The following SVIL variants were observed in gnomAD, a reference collection of about 807,000 sequenced individuals.
SVIL encodes archvillin.
In SVIL, 101 loss-of-function variants were observed where a neutral mutation model predicts 240.4. The observed-to-expected ratio is 0.42, with a 90% confidence interval of 0.36 to 0.50. The LOEUF (loss-of-function observed/expected upper bound fraction) is 0.50. SVIL is among the 20% of genes least tolerant of loss of function. The pLI is 0.01. For missense variants in SVIL, 2,512 were observed against 2,818.7 expected (o/e 0.89, Z 2.46); for synonymous variants, 999 against 1,100.0 (o/e 0.91, Z 1.82).
rs868725140 is a variant in SVIL, at chr10:29,523,472, T to C, written c.3142A>G (p.Lys1048Glu). 8 of 1,606,464 alleles carry C rather than the reference T, an allele frequency of 5.0e-6. No individual in the cohort carries two copies. The African/African-American group carries it at 9.4e-5, about 19-fold the overall frequency. The part of the protein sequence containing the change: ...EEKVEVENVM[K>E]RKFSLRAAEF... Reference sequence around the variant, plus strand: ...TTACCTCTTAGTGAAAACTTCCTTTTCATAACATTCTCCACCTCCACCTTC... The same window carrying C: ...TTACCTCTTAGTGAAAACTTCCTTTCCATAACATTCTCCACCTCCACCTTC... Residue 1048 changes from lysine (K) to glutamate (E), a missense_variant, in exon 15 of 38, where the codon AAA becomes GAA. Physicochemically the swap from Lys to Glu is moderately conservative, Grantham distance 56 (BLOSUM62 1). This residue lies in a region of SVIL where 1,443 missense variants were observed against 1,486.6 expected (regional missense o/e 0.97). Coordinates refer to ENST00000355867, the MANE Select transcript of SVIL (RefSeq NM_021738.3).
intron 3 of SVIL, among the ~76,000 whole-genome samples, chr10:29,643,628 A>AC (rs1299302939): frequency 6.6e-6 from 1 of 151,448 alleles, no homozygotes; most frequent in African/African-American, 2.4e-5. Flanking sequence ...TCAACCAACA[A>AC]CCCCCCACCC....
rs752700121 is a variant in SVIL at position 29,513,003 on chromosome 10, CG to C, written c.3390-143del. ...TTTAACATTTTGAATTTCATTTATT[CG>C]GAAGACAGCATGTCTGGAAAAATAA... On this transcript the variant is annotated intron_variant, in intron 16 of 37. Coordinates refer to ENST00000355867, the MANE Select transcript of SVIL (RefSeq NM_021738.3). 1.6e-4 allele frequency: 198 copies of C among 1,252,438 alleles called. 1 individual carries two copies. In the East Asian group the frequency reaches 4.6e-3, roughly 29 times the overall value. 77.6% of individuals were successfully genotyped at this position (1,252,438 alleles called of 1,614,324 possible). A position where few individuals can be genotyped will look rare whatever the true frequency, so the allele number is the denominator to read the frequency against.
rs139994927 is a variant in SVIL at position 29,524,535 on chromosome 10, C to T, written c.2523G>A (p.Thr841=). 373 of 1,614,008 alleles carry T rather than the reference C, an allele frequency of 2.3e-4. 2 individuals are homozygous for T. The highest frequency in any genetic ancestry group is 3.0e-4 in the Non-Finnish European group (359 of 1,180,040). The change falls in exon 14 of 38, where the codon ACG becomes ACA. Residue 841 remains threonine, a synonymous_variant. Transcript: ENST00000355867. ...KAISTRNRID[T]RQRRMNARYQ... The stretch of plus-strand genomic sequence containing the variant: ...AGCGAGCGTTCATTCTCCTCTGTCT[C>T]GTGTCTATTCTGTTCCGGGTAGAAA...
At chr10:29,625,747 C>T (rs1262663162) in intron 1 of SVIL, among the ~76,000 whole-genome samples, 1 of 152,212 alleles carries the variant, frequency 6.6e-6, no homozygotes, top group East Asian at 1.9e-4. Flanking sequence ...CAGGCATGAG[C>T]CACCACGCCC....
At chr10:29,479,782 TA>T (rs1386381543) in intron 29 of SVIL, among the ~76,000 whole-genome samples, 1 of 152,216 alleles carries the variant, frequency 6.6e-6, no homozygotes, top group Non-Finnish European at 1.5e-5. Flanking sequence ...AAGGGGGCTG[TA>T]AAGAGGCAAA....
At chr10:29,645,495 G>A (rs1458762455) in intron 3 of SVIL, among the ~76,000 whole-genome samples, 3 of 152,092 alleles carry the variant, frequency 2.0e-5, no homozygotes, top group Non-Finnish European at 2.9e-5. Flanking sequence ...GCTTGAACCC[G>A]GGAGGTGGAG....
At chr10:29,680,736 T>C (rs1013643440) in intron 2 of SVIL, among the ~76,000 whole-genome samples, 1 of 152,080 alleles carries the variant, frequency 6.6e-6, no homozygotes, top group African/African-American at 2.4e-5. Flanking sequence ...CTGGCCAACA[T>C]AGTAAAACCC....
intron 17 of SVIL, among the ~76,000 whole-genome samples, chr10:29,499,786 C>G (rs117990968): frequency 0.019 from 2,302 of 123,790 alleles, 1 homozygote; most frequent in South Asian, 0.029. Flanking sequence ...ACTCTGCTTG[C>G]TTTTTCCTGC....
intron 29 of SVIL, among the ~76,000 whole-genome samples, chr10:29,477,941 A>T (rs1946382441): frequency 6.6e-6 from 1 of 152,222 alleles, no homozygotes; most frequent in Admixed American, 6.5e-5. Flanking sequence ...ATTCACTTTA[A>T]CAGTTTTACT....
At chr10:29,589,978 C>G (rs566497198) in intron 1 of SVIL, among the ~76,000 whole-genome samples, 1 of 151,558 alleles carries the variant, frequency 6.6e-6, no homozygotes, top group Non-Finnish European at 1.5e-5. Flanking sequence ...CCAGCCTGGC[C>G]AAGATGGTGA....
intron 1 of SVIL, among the ~76,000 whole-genome samples, chr10:29,589,163 C>G (rs866268111): frequency 3.3e-5 from 5 of 152,290 alleles, no homozygotes; most frequent in South Asian, 4.1e-4. Flanking sequence ...GTGAGACACT[C>G]GACACCAAAA....
At chr10:29,504,663 A>G (rs372012344) in intron 17 of SVIL, among the ~76,000 whole-genome samples, 1 of 152,226 alleles carries the variant, frequency 6.6e-6, no homozygotes, top group Non-Finnish European at 1.5e-5. Flanking sequence ...TTACACATCA[A>G]TTAGGATGGC....
At chr10:29,503,294 A>C (rs976444645) in intron 17 of SVIL, among the ~76,000 whole-genome samples, 1 of 152,208 alleles carries the variant, frequency 6.6e-6, no homozygotes, top group African/African-American at 2.4e-5. Flanking sequence ...TAAGGCTCAG[A>C]CCTCAAAGTA....
At chr10:29,606,042 C>A (rs1957007704) in intron 1 of SVIL, among the ~76,000 whole-genome samples, 1 of 152,118 alleles carries the variant, frequency 6.6e-6, no homozygotes, top group Non-Finnish European at 1.5e-5. Context: ...TCCCGAGTAG[C>A]TGGGATTACA....
At chr10:29,710,185 G>A (rs1016180652) in intron 1 of SVIL, among the ~76,000 whole-genome samples, 2 of 151,682 alleles carry the variant, frequency 1.3e-5, no homozygotes, top group Admixed American at 1.3e-4. Context: ...TCCTGAGTAC[G>A]TGGGACTACA....
In SVIL at chr10:29,530,588, G is replaced by A; in HGVS notation, c.2106+19C>T. ...GCACCCAGTAGGGATCTCTATTCAA[G>A]CACGTCAGCACAGCTTACCCTGAAA... On this transcript the variant is annotated intron_variant, in intron 11 of 37. Transcript: ENST00000355867. 6.2e-7 allele frequency: 1 copy of A among 1,613,838 alleles called. No individual in the cohort carries two copies. The highest frequency in any genetic ancestry group is 8.5e-7 in the Non-Finnish European group (1 of 1,179,858).
At chr10:29,539,506 G>A (rs867619033) in intron 6 of SVIL, among the ~76,000 whole-genome samples, 1 of 152,168 alleles carries the variant, frequency 6.6e-6, no homozygotes, top group Non-Finnish European at 1.5e-5. Context: ...ATGTATTTGG[G>A]TGAGGTTATC....
intron 20 of SVIL, 113 bp downstream of exon 20, chr10:29,494,801 G>T: frequency 4.0e-6 from 4 of 990,470 alleles, no homozygotes; most frequent in Non-Finnish European, 4.6e-6. Flanking sequence ...ATCAGGGCTT[G>T]TTTCTCTAAT....
intron 2 of SVIL, among the ~76,000 whole-genome samples, chr10:29,659,826 C>T (rs1419321651): frequency 6.6e-6 from 1 of 151,430 alleles, no homozygotes; most frequent in Admixed American, 6.7e-5. Context: ...AAATCATTTT[C>T]CCTTTCCTCC....
Sources: allele counts gnomAD v4.1 joint callset (sites outside exome capture counted in the v4.1 genomes callset), GRCh38; gene constraint gnomAD v4.1.1; regional missense constraint gnomAD v4.1.1; transcripts MANE v1.5; gene names NCBI Gene and HGNC (gene_info 2026-07-23, HGNC 2026-07-21).